MTFR1: variants seen among roughly 807,000 people sequenced by gnomAD.
The protein encoded by MTFR1 is mitochondrial fission regulator 1.
In MTFR1, 28 loss-of-function variants were observed where a neutral mutation model predicts 38.8. The ratio of observed to expected loss-of-function variants is 0.72; its 90% confidence interval spans 0.53 to 0.99. MTFR1 has a LOEUF of 0.99. Among genes scored for constraint, MTFR1 ranks in the 50% least tolerant of loss-of-function variants. MTFR1 has a pLI of 0.00. For missense variants in MTFR1, 358 were observed against 395.5 expected (o/e 0.91, Z 0.81); for synonymous variants, 145 against 137.0 (o/e 1.06, Z -0.41).
In MTFR1 at chr8:65,688,719, A is replaced by G. The variant is rs187144369; in HGVS notation, c.166-4925A>G. Among the ~76,000 whole-genome samples, 843 of 151,574 alleles carry G rather than the reference A, an allele frequency of 5.6e-3. 19 individuals carry two copies. The highest frequency in any genetic ancestry group is 0.036 in the East Asian group (178 of 4,924). ...TTCAGGCTCCCAAAGTACTGGGATT[A>G]CAGGCGTAAGCCACCGCGCCCAGCC... is the stretch of plus-strand genomic sequence containing the variant. On this transcript the variant is annotated intron_variant, in intron 3 of 7. Coordinates refer to ENST00000262146, the MANE Select transcript of MTFR1 (RefSeq NM_014637.4).
intron 3 of MTFR1, among the ~76,000 whole-genome samples, chr8:65,766,245 C>T (rs566468951): frequency 3.9e-5 from 6 of 152,210 alleles, no homozygotes; most frequent in East Asian, 1.9e-4. Flanking sequence ...CATGCCCAGC[C>T]GAGATGAATT....
intron 2 of MTFR1, among the ~76,000 whole-genome samples, chr8:65,677,357 A>C (rs1465825555): frequency 6.8e-6 from 1 of 146,692 alleles, no homozygotes; most frequent in African/African-American, 2.5e-5. Flanking sequence ...GGCATGAACC[A>C]CTGCGCCTGG....
chr8:65,725,886 TAC>T (rs1329920984), intron 3 of MTFR1, among the ~76,000 whole-genome samples: 1 of 152,176 alleles, frequency 6.6e-6, no homozygotes, highest in Non-Finnish European at 1.5e-5. Flanking sequence ...AATTTACATA[TAC>T]AGTGTGTTTA....
In MTFR1 at chr8:65,745,675, T is replaced by G. The variant is rs191831262; in HGVS notation, c.*49-25272T>G. 2.0e-5 allele frequency among the ~76,000 whole-genome samples: 3 copies of G among 152,316 alleles called. No individual in the cohort carries two copies. In the East Asian group the frequency reaches 5.8e-4, roughly 29 times the overall value. ...AAACTCCATTTGAAAAATGAAACAT[T>G]ATTTTGTTTTTCAATTAATGAATGC... On this transcript the variant is annotated intron_variant, in intron 3 of 3. Transcript: ENST00000521247.
At position 65,729,364 on chromosome 8, in the gene MTFR1, C is replaced by CTTTTTTTTTT. The variant is rs10540107; in HGVS notation, c.*48+9897_*48+9906dup. On this transcript the variant is annotated intron_variant, in intron 3 of 3. Coordinates refer to the MTFR1 transcript ENST00000521247. ...TCACAGTGAGTTTCGTTGGTGGTAG[C>CTTTTTTTTTT]TTTTTTTTTTTTTTTTTTTTTTTGG... Among the ~76,000 whole-genome samples, 2 of 80,076 alleles carry CTTTTTTTTTT rather than the reference C, an allele frequency of 2.5e-5. 1 individual carries two copies. 52.5% of individuals were successfully genotyped at this position (80,076 alleles called of 152,430 possible).
chr8:65,732,095 T>C (rs539363564), intron 3 of MTFR1, among the ~76,000 whole-genome samples: 9 of 152,118 alleles, frequency 5.9e-5, no homozygotes, highest in African/African-American at 1.9e-4. Flanking sequence ...GCCTCCCAGG[T>C]TCAAGGGATT....
chr8:65,682,085 G>T, intron 2 of MTFR1: 1 of 180,808 alleles, frequency 5.5e-6, no homozygotes, highest in African/African-American at 2.3e-5. Context: ...TTTACTGTAA[G>T]TATAGTATTT....
At chr8:65,648,644 G>C (rs566307703) in intron 1 of MTFR1, among the ~76,000 whole-genome samples, 1 of 152,282 alleles carries the variant, frequency 6.6e-6, no homozygotes, top group East Asian at 1.9e-4. Context: ...TCCACCGGGA[G>C]ATATCATTTA....
intron 3 of MTFR1, among the ~76,000 whole-genome samples, chr8:65,767,980 G>A (rs573027591): frequency 6.6e-6 from 1 of 152,214 alleles, no homozygotes; most frequent in South Asian, 2.1e-4. Flanking sequence ...GGGCTGGGAG[G>A]CAGGTTTAGG....
intron 3 of MTFR1, chr8:65,739,454 T>G (rs369688593): frequency 6.7e-7 from 1 of 1,503,452 alleles, no homozygotes; most frequent in Admixed American, 2.6e-5. Context: ...AAACAGGTTC[T>G]TGTATAAATG....
chr8:65,715,113 C>T (rs1436398283), downstream of MTFR1, among the ~76,000 whole-genome samples: 1 of 152,068 alleles, frequency 6.6e-6, no homozygotes, highest in Non-Finnish European at 1.5e-5. Context: ...TTTAGTCTCC[C>T]ATGTAAAATA....
At chr8:65,753,520 C>T (rs112347787) in intron 3 of MTFR1, among the ~76,000 whole-genome samples, 96 of 152,274 alleles carry the variant, frequency 6.3e-4, no homozygotes, top group African/African-American at 2.0e-3. Flanking sequence ...CACCCTCACC[C>T]ACCCCTAAGC....
At chr8:65,748,088 T>C (rs1807767401) in intron 3 of MTFR1, among the ~76,000 whole-genome samples, 1 of 149,846 alleles carries the variant, frequency 6.7e-6, no homozygotes, top group Admixed American at 6.8e-5. Flanking sequence ...GGATTAATAA[T>C]CACGGTTTGT....
chr8:65,708,849 T>A, intron 7 of MTFR1, 127 bp from the exon 8 acceptor site: 1 of 801,146 alleles, frequency 1.2e-6, no homozygotes. Flanking sequence ...GTTTTAATAT[T>A]CCCAGTAGTT....
intron 3 of MTFR1, among the ~76,000 whole-genome samples, chr8:65,685,199 CTGATGTGGAATATA>C (rs1805036449): frequency 6.6e-6 from 1 of 152,096 alleles, no homozygotes; most frequent in Admixed American, 6.6e-5. Flanking sequence ...TAGGGGCTAA[CTGATGTGGAATATA>C]TCCAGGCTAT....
At chr8:65,750,583 C>G (rs1807899986) in intron 3 of MTFR1, among the ~76,000 whole-genome samples, 1 of 151,584 alleles carries the variant, frequency 6.6e-6, no homozygotes, top group Admixed American at 6.6e-5. Context: ...AGGTCCAAAA[C>G]ATGAATTAGC....
At position 65,647,997 on chromosome 8, in the gene MTFR1, ATTTGTTTG is replaced by A. The variant is rs60187254; in HGVS notation, c.-81+3237_-81+3244del. 1.5e-3 allele frequency among the ~76,000 whole-genome samples: 225 copies of A among 151,364 alleles called. 1 individual carries two copies. Among genetic ancestry groups the A allele is most frequent in the Non-Finnish European group, 2.0e-3 (136 of 67,862 alleles). On this transcript the variant is annotated intron_variant, in intron 1 of 7. Coordinates refer to ENST00000262146, the MANE Select transcript of MTFR1 (RefSeq NM_014637.4). ...CTATTTTTCCATTGGGCTTTTGATC[ATTTGTTTG>A]TTTGTTTGTTTGTTTGTTTGTTTTG...
At chr8:65,658,588 GGAATT>G (rs1286392840) in intron 1 of MTFR1, among the ~76,000 whole-genome samples, 2 of 152,090 alleles carry the variant, frequency 1.3e-5, no homozygotes, top group Admixed American at 1.3e-4. Context: ...AACACTTGTA[GGAATT>G]GAATACACAC....
chr8:65,693,963 T>C (rs1013429010), intron 4 of MTFR1, among the ~76,000 whole-genome samples: 5 of 151,964 alleles, frequency 3.3e-5, no homozygotes, highest in African/African-American at 1.2e-4. Flanking sequence ...AGTGCAGTGG[T>C]GTGATCTTGC....
Sources: allele counts gnomAD v4.1 joint callset (sites outside exome capture counted in the v4.1 genomes callset), GRCh38; gene constraint gnomAD v4.1.1; transcripts MANE v1.5; gene names NCBI Gene and HGNC (gene_info 2026-07-23, HGNC 2026-07-21).